PDE10A: variants seen among roughly 807,000 people sequenced by gnomAD.
PDE10A encodes the protein cAMP and cAMP-inhibited cGMP 3',5'-cyclic phosphodiesterase 10A.
Under a neutral mutation model 97.7 loss-of-function variants are expected in PDE10A, and 39 were observed. The observed-to-expected ratio is 0.40, with a 90% CI of 0.31 to 0.52. The LOEUF is 0.52. Among genes scored for constraint, PDE10A ranks in the 20% least tolerant of loss-of-function variants. The pLI is 0.56. For synonymous variants in PDE10A, 371 were observed against 376.8 expected (o/e 0.98, Z 0.18); for missense variants, 731 against 1,047.8 (o/e 0.70, Z 4.17).
rs112288757 is a variant in PDE10A, at chr6:165,445,809, C to T, written c.1194+3119G>A. Among the ~76,000 whole-genome samples the T allele has an allele frequency of 7.6e-3, 1,157 of 151,890 alleles. 8 individuals carry two copies. The highest frequency in any genetic ancestry group is 0.026 in the African/African-American group (1,072 of 41,400). ...AGCAGAAACAAATGCATGTCTATCT[C>T]CAAGAAAGAAACTAGAAAGGCACTT... On this transcript the variant is annotated intron_variant, in intron 5 of 21. Transcript: ENST00000539869.
chr6:165,677,473 A>C (rs1479381221), intron 1 of PDE10A, among the ~76,000 whole-genome samples: 1 of 152,252 alleles, frequency 6.6e-6, no homozygotes, highest in Non-Finnish European at 1.5e-5. Flanking sequence ...TTGTTGGATT[A>C]AAATATTTAG....
chr6:165,926,841 G>A (rs1206649417), intron 1 of PDE10A, among the ~76,000 whole-genome samples: 1 of 152,178 alleles, frequency 6.6e-6, no homozygotes, highest in African/African-American at 2.4e-5. Context: ...CATCAAAAAG[G>A]ATTTCATTTT....
At chr6:165,840,799 T>A (rs1237410711) in intron 1 of PDE10A, among the ~76,000 whole-genome samples, 1 of 152,238 alleles carries the variant, frequency 6.6e-6, no homozygotes, top group South Asian at 2.1e-4. Flanking sequence ...ACATGCAATA[T>A]AAATGTGCAC....
In PDE10A at chr6:165,488,210, T is replaced by C. The variant is rs572234183; in HGVS notation, c.995-5867A>G. 2.0e-5 allele frequency among the ~76,000 whole-genome samples: 3 copies of C among 152,166 alleles called. No homozygotes were observed. In the South Asian group the frequency reaches 6.2e-4, roughly 31 times the overall value. On this transcript the variant is annotated intron_variant, in intron 2 of 21. Coordinates refer to ENST00000539869, the MANE Select transcript of PDE10A (RefSeq NM_001385079.1). Reference sequence around the variant, plus strand: ...TGGGATGAATAAATTAGGAAACAAATAGATGAAATAATTTCAGAAAATAAA... The same window carrying C: ...TGGGATGAATAAATTAGGAAACAAACAGATGAAATAATTTCAGAAAATAAA...
In PDE10A at chr6:165,460,690, C is replaced by T. The variant is rs1037782357; in HGVS notation, c.1024-10328G>A. 7.9e-5 allele frequency among the ~76,000 whole-genome samples: 12 copies of T among 152,110 alleles called. No individual in the cohort carries two copies. The East Asian group carries it at 1.2e-3, about 15-fold the overall frequency. The stretch of plus-strand genomic sequence containing the variant: ...GCTATATTTTGCATAGTGAAGGGCC[C>T]GATGGACAACCTGGGACTATTCAAC... On this transcript the variant is annotated intron_variant, in intron 3 of 21. Coordinates refer to ENST00000539869, the MANE Select transcript of PDE10A (RefSeq NM_001385079.1).
intron 1 of PDE10A, among the ~76,000 whole-genome samples, chr6:165,602,063 T>G (rs549245941): frequency 6.6e-6 from 1 of 152,336 alleles, no homozygotes; most frequent in Admixed American, 6.5e-5. Context: ...TTCAGCCCTT[T>G]TCTTCCCTGT....
chr6:165,834,984 G>A (rs1780028974), intron 1 of PDE10A, among the ~76,000 whole-genome samples: 1 of 152,228 alleles, frequency 6.6e-6, no homozygotes, highest in South Asian at 2.1e-4. Context: ...GGGAGCTCAG[G>A]GGCCAGGGGT....
chr6:165,913,199 T>G lies in PDE10A; in HGVS notation c.-615+74330A>C, dbSNP rs139829801. ...GCATTTCATTATGTATATGCAAATA[T>G]TCTAAAATCTGAAAAAATCTGAAAT... is the stretch of plus-strand genomic sequence containing the variant. On this transcript the variant is annotated intron_variant, in intron 1 of 19. Coordinates refer to the PDE10A transcript ENST00000366882. 9.8e-4 allele frequency among the ~76,000 whole-genome samples: 149 copies of G among 152,140 alleles called. No homozygotes were observed. The Middle Eastern group carries it at 0.01, about 10-fold the overall frequency.
chr6:165,905,676 GA>G (rs149215921), intron 1 of PDE10A, among the ~76,000 whole-genome samples: 11 of 148,134 alleles, frequency 7.4e-5, no homozygotes, highest in Non-Finnish European at 1.2e-4. Flanking sequence ...TTTTTTAACT[GA>G]AAAAAAAACA....
intron 1 of PDE10A, among the ~76,000 whole-genome samples, chr6:165,563,189 G>A (rs1246482855): frequency 1.4e-5 from 2 of 147,364 alleles, no homozygotes; most frequent in African/African-American, 2.5e-5. Context: ...GGAGGGGCAG[G>A]GGAGAGGCAA....
At chr6:165,677,514 A>T (rs1790833132) in intron 1 of PDE10A, among the ~76,000 whole-genome samples, 1 of 152,180 alleles carries the variant, frequency 6.6e-6, no homozygotes, top group South Asian at 2.1e-4. Flanking sequence ...ACACCTCAAG[A>T]CCTTTTTCTT....
chr6:165,744,159 C>A (rs983608765), intron 1 of PDE10A, among the ~76,000 whole-genome samples: 1 of 152,122 alleles, frequency 6.6e-6, no homozygotes. Context: ...TTACATATTT[C>A]TGAAACAATT....
chr6:165,814,084 C>T (rs9365923), intron 1 of PDE10A, among the ~76,000 whole-genome samples: 32,226 of 152,016 alleles, frequency 0.21, 3,799 homozygotes, highest in Middle Eastern at 0.3. Context: ...ACAAAGGTGT[C>T]AAGGATGTTA....
chr6:165,481,336 C>A (rs536623559), intron 3 of PDE10A, among the ~76,000 whole-genome samples: 7 of 152,132 alleles, frequency 4.6e-5, no homozygotes, highest in Non-Finnish European at 1.0e-4. Flanking sequence ...CAGTGAAACC[C>A]TGAGACTCAC....
intron 1 of PDE10A, among the ~76,000 whole-genome samples, chr6:165,913,386 A>T (rs911183367): frequency 1.3e-5 from 2 of 152,078 alleles, no homozygotes; most frequent in Non-Finnish European, 2.9e-5. Context: ...CAAGTCCCTG[A>T]TATAAAATGG....
chr6:165,715,981 C>A (rs759002272), intron 1 of PDE10A, among the ~76,000 whole-genome samples: 1 of 152,296 alleles, frequency 6.6e-6, no homozygotes, highest in South Asian at 2.1e-4. Context: ...TTTTTGCCCA[C>A]GGAAGCCTCC....
chr6:165,862,089 C>T (rs926451590), intron 1 of PDE10A, among the ~76,000 whole-genome samples: 1 of 152,134 alleles, frequency 6.6e-6, no homozygotes, highest in South Asian at 2.1e-4. Flanking sequence ...CCTACTACAC[C>T]CATTCCCACA....
chr6:165,547,882 C>A (rs1160309011), intron 1 of PDE10A, among the ~76,000 whole-genome samples: 1 of 152,186 alleles, frequency 6.6e-6, no homozygotes, highest in Non-Finnish European at 1.5e-5. Flanking sequence ...ACAAGCTTCT[C>A]ATAAAGTAAC....
intron 1 of PDE10A, among the ~76,000 whole-genome samples, chr6:165,546,710 A>G (rs983315711): frequency 6.6e-6 from 1 of 152,126 alleles, no homozygotes; most frequent in Non-Finnish European, 1.5e-5. Context: ...TGGTGGGGAC[A>G]AGATTTCTCA....
Sources: gnomAD v4.1 joint callset for allele counts (sites outside exome capture counted in the v4.1 genomes callset) on GRCh38, gnomAD v4.1.1 for gene constraint, MANE v1.5 for transcripts, NCBI Gene and HGNC (gene_info 2026-07-23, HGNC 2026-07-21) for gene names.